RABGAP1L: variants seen among roughly 807,000 people sequenced by gnomAD.
RABGAP1L encodes the protein rab GTPase-activating protein 1-like.
In RABGAP1L, 63 loss-of-function variants were observed where a neutral mutation model predicts 137.7. The ratio of observed to expected loss-of-function variants is 0.46; its 90% CI spans 0.37 to 0.56. The LOEUF (loss-of-function observed/expected upper bound fraction) is 0.56, where lower values mean the gene tolerates loss of function less well. RABGAP1L is among the 20% of genes least tolerant of loss of function. The pLI is 0.00. For missense variants in RABGAP1L, 1,095 were observed against 1,244.0 expected (o/e 0.88, Z 1.80); for synonymous variants, 431 against 433.7 (o/e 0.99, Z 0.08).
At chr1:174,414,254 A>T (rs544640362) in intron 13 of RABGAP1L, among the ~76,000 whole-genome samples, 69 of 152,078 alleles carry the variant, frequency 4.5e-4, no homozygotes, top group South Asian at 2.1e-3. Flanking sequence ...TACAGTTTTT[A>T]AAAAAAATCC....
intron 13 of RABGAP1L, among the ~76,000 whole-genome samples, chr1:174,464,393 T>C (rs192970444): frequency 2.0e-5 from 3 of 152,342 alleles, no homozygotes; most frequent in African/African-American, 7.2e-5. Context: ...TATTCCAAAA[T>C]AGAACTCTTC....
At chr1:174,262,187 A>C (rs557111856) in intron 7 of RABGAP1L, among the ~76,000 whole-genome samples, 2 of 152,328 alleles carry the variant, frequency 1.3e-5, no homozygotes, top group African/African-American at 4.8e-5. Context: ...GATAACTGGA[A>C]GCTTCTATCT....
chr1:174,324,119 A>G (rs886596718), intron 11 of RABGAP1L, among the ~76,000 whole-genome samples: 1 of 152,170 alleles, frequency 6.6e-6, no homozygotes, highest in Non-Finnish European at 1.5e-5. Context: ...ATCATTGGAA[A>G]GTCATTTTTT....
intron 18 of RABGAP1L, among the ~76,000 whole-genome samples, chr1:174,766,822 A>G (rs867320395): frequency 3.3e-5 from 5 of 152,168 alleles, no homozygotes; most frequent in Non-Finnish European, 7.3e-5. Flanking sequence ...GGAGTCTGAC[A>G]TGCCTCATTA....
At chr1:174,467,271 T>C (rs564779935) in intron 13 of RABGAP1L, among the ~76,000 whole-genome samples, 4 of 152,312 alleles carry the variant, frequency 2.6e-5, no homozygotes, top group East Asian at 3.9e-4. Flanking sequence ...TATGTTCTTA[T>C]TGAAAGCTTA....
At chr1:174,380,396 C>T (rs940427472) in intron 12 of RABGAP1L, among the ~76,000 whole-genome samples, 2,677 of 151,564 alleles carry the variant, frequency 0.018, 37 homozygotes, top group Non-Finnish European at 0.026. Context: ...TGGTAGAATT[C>T]GGCTGTGAAT....
At chr1:174,982,421 G>A (rs1242646462) in intron 23 of RABGAP1L, among the ~76,000 whole-genome samples, 2 of 152,114 alleles carry the variant, frequency 1.3e-5, no homozygotes, top group Non-Finnish European at 2.9e-5. Flanking sequence ...TTGAAAACAG[G>A]TTCTTTCTGT....
intron 1 of RABGAP1L, among the ~76,000 whole-genome samples, chr1:174,207,150 C>T (rs1283800812): frequency 6.6e-6 from 1 of 151,942 alleles, no homozygotes; most frequent in African/African-American, 2.4e-5. Flanking sequence ...ATTTTTTGCA[C>T]CTGAAGAAAC....
chr1:174,415,268 A>G (rs995939461), intron 13 of RABGAP1L, among the ~76,000 whole-genome samples: 4 of 152,078 alleles, frequency 2.6e-5, no homozygotes, highest in African/African-American at 9.7e-5. Flanking sequence ...TACATTTTCT[A>G]GATTAACAAT....
At position 174,163,144 on chromosome 1, in the gene RABGAP1L, T is replaced by G. The variant is rs184127652; in HGVS notation, c.-34+3487T>G. 1.2e-3 allele frequency among the ~76,000 whole-genome samples: 178 copies of G among 152,308 alleles called. 1 individual carries two copies. The highest frequency in any genetic ancestry group is 4.2e-3 in the African/African-American group (174 of 41,566). On this transcript the variant is annotated intron_variant, in intron 1 of 25. Transcript: ENST00000681986. ...GAGCCTGAGTTATGGTAAAACATAC[T>G]CATTTTTAAAGGAGAGTTTTAATGC... is the stretch of plus-strand genomic sequence containing the variant.
intron 13 of RABGAP1L, among the ~76,000 whole-genome samples, chr1:174,498,479 G>A (rs1337525404): frequency 2.0e-5 from 3 of 151,816 alleles, no homozygotes; most frequent in Admixed American, 6.6e-5. Flanking sequence ...GAAACAAAAC[G>A]TTATTTTATT....
intron 19 of RABGAP1L, among the ~76,000 whole-genome samples, chr1:174,950,281 C>T (rs572671730): frequency 1.3e-5 from 2 of 152,280 alleles, no homozygotes; most frequent in East Asian, 3.9e-4. Flanking sequence ...TATTAGAATA[C>T]AACTAATAAT....
At chr1:174,512,352 C>G (rs1558297358) in intron 13 of RABGAP1L, among the ~76,000 whole-genome samples, 1 of 152,146 alleles carries the variant, frequency 6.6e-6, no homozygotes. Flanking sequence ...TAGTCACTGC[C>G]TTCCAGCAAA....
chr1:174,949,161 G>C (rs566280291), intron 19 of RABGAP1L, among the ~76,000 whole-genome samples: 67 of 152,284 alleles, frequency 4.4e-4, no homozygotes, highest in Non-Finnish European at 7.8e-4. Context: ...ATAGAGACTA[G>C]ATTCTGTAGG....
intron 19 of RABGAP1L, among the ~76,000 whole-genome samples, chr1:174,939,487 C>T (rs1163314777): frequency 2.0e-5 from 3 of 148,864 alleles, no homozygotes; most frequent in Non-Finnish European, 3.0e-5. Flanking sequence ...ACCCAAGAAG[C>T]GGAGGTTGCA....
chr1:174,702,226 G>T lies in RABGAP1L; in HGVS notation c.2139G>T (p.Val713=), dbSNP rs1425828487. 1.2e-6 allele frequency: 2 copies of T among 1,610,486 alleles called. No homozygotes were observed. The highest frequency in any genetic ancestry group is 1.7e-6 in the Non-Finnish European group (2 of 1,178,350). ...CTGCCAAGTTCCCACTCTGCATGGT[G>T]TTCCACATCATTGACTTACTGCTTT... The part of the protein sequence containing the change: ...LFTAKFPLCM[V]FHIIDLLLCE... Residue 713 remains valine, a synonymous_variant, in exon 17 of 26, where the codon GTG becomes GTT. Transcript: ENST00000681986.
At chr1:174,849,694 G>C in intron 19 of RABGAP1L, 1 of 436,140 alleles carries the variant, frequency 2.3e-6, no homozygotes, top group Non-Finnish European at 4.5e-6. Context: ...TTGCTTTCTT[G>C]TCTTCAGGAG....
rs192390320 is a variant in RABGAP1L at position 174,647,650 on chromosome 1, G to T, written c.1824+10162G>T. On this transcript the variant is annotated intron_variant, in intron 14 of 25. Coordinates refer to ENST00000681986, the MANE Select transcript of RABGAP1L (RefSeq NM_001366446.1). Reference sequence around the variant, plus strand: ...ATTTTCGCATTGATGTTCATCGGGGGTATTGGCCTGAAATTTTCTTTTTTT... The same window carrying T: ...ATTTTCGCATTGATGTTCATCGGGGTTATTGGCCTGAAATTTTCTTTTTTT... Among the ~76,000 whole-genome samples, 444 of 152,074 alleles carry T rather than the reference G, an allele frequency of 2.9e-3. 8 individuals are homozygous for T. The highest frequency in any genetic ancestry group is 0.01 in the African/African-American group (417 of 41,460).
At chr1:174,912,426 A>AT (rs1660196888) in intron 19 of RABGAP1L, among the ~76,000 whole-genome samples, 1 of 152,202 alleles carries the variant, frequency 6.6e-6, no homozygotes, top group African/African-American at 2.4e-5. Context: ...TGCAGGCCAG[A>AT]TGAGCCACTG....
Sources: allele counts gnomAD v4.1 joint callset (sites outside exome capture counted in the v4.1 genomes callset), GRCh38; gene constraint gnomAD v4.1.1; transcripts MANE v1.5; gene names NCBI Gene and HGNC (gene_info 2026-07-23, HGNC 2026-07-21).